RAPGEF4: variants seen among roughly 807,000 people sequenced by gnomAD.
RAPGEF4 encodes the protein RAP guanine-nucleotide-exchange factor (GEF) 4.
In RAPGEF4, 66 loss-of-function variants were observed where a neutral mutation model predicts 147.9. The observed-to-expected ratio is 0.45, with a 90% CI of 0.37 to 0.55. RAPGEF4 has a LOEUF of 0.55. RAPGEF4 is among the 20% of genes least tolerant of loss of function. The pLI, the probability that RAPGEF4 is intolerant of heterozygous loss-of-function variation, is 0.00. For synonymous variants in RAPGEF4, 419 were observed against 442.7 expected (o/e 0.95, Z 0.67); for missense variants, 1,071 against 1,257.3 (o/e 0.85, Z 2.24).
In RAPGEF4 at chr2:172,961,229, G is replaced by A. The variant is rs1452419385; in HGVS notation, c.698+1G>A. The stretch of plus-strand genomic sequence containing the variant: ...GAAAATACCACCTAAAGACATACAG[G>A]TATGTGTGCTAATTCTAAAGGCTGT... On this transcript the variant is annotated splice_donor_variant, in intron 8 of 30. Coordinates refer to ENST00000397081, the MANE Select transcript of RAPGEF4 (RefSeq NM_007023.4). LOFTEE classifies it high-confidence loss of function. 1.3e-6 allele frequency: 2 copies of A among 1,569,282 alleles called. No individual in the cohort carries two copies. The highest frequency in any genetic ancestry group is 2.2e-5 in the East Asian group (1 of 44,634).
At chr2:172,915,080 C>A (rs544186575) in intron 4 of RAPGEF4, among the ~76,000 whole-genome samples, 35 of 152,270 alleles carry the variant, frequency 2.3e-4, no homozygotes, top group African/African-American at 7.9e-4. Flanking sequence ...ATGAATCTCC[C>A]AGGTTTAGTG....
At chr2:172,926,802 C>T (rs1685415608) in intron 6 of RAPGEF4, among the ~76,000 whole-genome samples, 1 of 152,150 alleles carries the variant, frequency 6.6e-6, no homozygotes, top group Non-Finnish European at 1.5e-5. Context: ...GATCTCTTGA[C>T]CTTGTGATCT....
intron 3 of RAPGEF4, among the ~76,000 whole-genome samples, chr2:172,802,979 G>C (rs1008814148): frequency 6.6e-6 from 1 of 152,192 alleles, no homozygotes; most frequent in Non-Finnish European, 1.5e-5. Flanking sequence ...GAGGTGGAAG[G>C]CGTGTTCCCA....
At chr2:172,818,300 C>T (rs1039144392) in intron 4 of RAPGEF4, among the ~76,000 whole-genome samples, 1 of 151,898 alleles carries the variant, frequency 6.6e-6, no homozygotes, top group African/African-American at 2.4e-5. Context: ...ATTCATGTAA[C>T]CAAATGCCAC....
At chr2:172,882,903 C>T (rs1349861366) in intron 4 of RAPGEF4, among the ~76,000 whole-genome samples, 2 of 152,036 alleles carry the variant, frequency 1.3e-5, no homozygotes, top group African/African-American at 2.4e-5. Context: ...CTTGAAGCAT[C>T]AGACTGTTTT....
chr2:172,746,160 G>A (rs1694746937), intron 1 of RAPGEF4, among the ~76,000 whole-genome samples: 1 of 152,328 alleles, frequency 6.6e-6, no homozygotes, highest in Admixed American at 6.5e-5. Flanking sequence ...ATTCTATTCT[G>A]TGTTGTTGGC....
intron 4 of RAPGEF4, chr2:172,822,032 C>A: frequency 6.3e-7 from 1 of 1,584,256 alleles, no homozygotes; most frequent in Non-Finnish European, 8.6e-7. Context: ...GGAAATACTA[C>A]ATGTTACTGT....
At chr2:172,989,991 T>C (rs1025868614) in intron 14 of RAPGEF4, among the ~76,000 whole-genome samples, 1 of 147,228 alleles carries the variant, frequency 6.8e-6, no homozygotes, top group Non-Finnish European at 1.5e-5. Flanking sequence ...CAACTAAGTT[T>C]GTCTTAGGAA....
intron 17 of RAPGEF4, among the ~76,000 whole-genome samples, chr2:173,013,999 T>C (rs1173729438): frequency 2.0e-5 from 3 of 152,150 alleles, no homozygotes; most frequent in African/African-American, 7.2e-5. Context: ...CCAGCAGGAC[T>C]AGATGCCCTG....
intron 6 of RAPGEF4, among the ~76,000 whole-genome samples, chr2:172,954,860 C>A (rs905276374): frequency 1.3e-5 from 2 of 152,152 alleles, no homozygotes; most frequent in African/African-American, 4.8e-5. Context: ...TTATTAGATT[C>A]ATATTATCTT....
intron 29 of RAPGEF4, among the ~76,000 whole-genome samples, chr2:173,047,811 G>A (rs6714366): frequency 0.093 from 14,124 of 151,992 alleles, 989 homozygotes; most frequent in African/African-American, 0.19. Context: ...CAAGTAGCTG[G>A]GACTACAGGC....
At chr2:173,044,956 C>T (rs143489639) in intron 29 of RAPGEF4, among the ~76,000 whole-genome samples, 1,826 of 152,316 alleles carry the variant, frequency 0.012, 22 homozygotes, top group Middle Eastern at 0.024. Flanking sequence ...CTGGCCAGCT[C>T]CAGGCAGGCC....
At chr2:172,761,058 C>T (rs1026362781) in intron 1 of RAPGEF4, among the ~76,000 whole-genome samples, 1 of 149,518 alleles carries the variant, frequency 6.7e-6, no homozygotes, top group East Asian at 2.0e-4. Context: ...GGGCTCTTCT[C>T]ATCAGAATCC....
At chr2:173,003,640 G>T (rs1047666392) in intron 17 of RAPGEF4, among the ~76,000 whole-genome samples, 2 of 152,028 alleles carry the variant, frequency 1.3e-5, no homozygotes, top group African/African-American at 4.8e-5. Context: ...AAAAGGAGTG[G>T]CTTGCCCAGG....
rs1262094628 is a variant in RAPGEF4, at chr2:172,798,460, C to T, written c.297+847C>T. Among the ~76,000 whole-genome samples the T allele has an allele frequency of 2.0e-5, 3 of 152,016 alleles. No homozygotes were observed. In the East Asian group the frequency reaches 5.8e-4, roughly 29 times the overall value. On this transcript the variant is annotated intron_variant, in intron 3 of 30. Transcript: ENST00000397081. ...AGTATGACCCATAAAAGGCCACCAT[C>T]AGGTATCACTATGAAAATGTTCCAA... is the stretch of plus-strand genomic sequence containing the variant.
intron 1 of RAPGEF4, among the ~76,000 whole-genome samples, chr2:172,745,656 C>G (rs1694704477): frequency 6.6e-6 from 1 of 151,746 alleles, no homozygotes; most frequent in African/African-American, 2.4e-5. Context: ...TTAATTTTAA[C>G]CTTTCTTCTT....
intron 1 of RAPGEF4, among the ~76,000 whole-genome samples, chr2:172,780,246 G>T (rs1180375471): frequency 6.6e-6 from 1 of 152,152 alleles, no homozygotes; most frequent in Non-Finnish European, 1.5e-5. Flanking sequence ...TTCTTCAACA[G>T]GTGGCTTAGA....
intron 19 of RAPGEF4, 48 bp downstream of exon 19, chr2:173,016,485 C>A: frequency 1.4e-6 from 2 of 1,459,074 alleles, no homozygotes; most frequent in South Asian, 1.1e-5. Context: ...AAGTAAATCT[C>A]AAAAAGTCCT....
chr2:172,970,194 T>TC (rs1203586911), intron 10 of RAPGEF4, among the ~76,000 whole-genome samples: 1 of 151,842 alleles, frequency 6.6e-6, no homozygotes, highest in African/African-American at 2.4e-5. Context: ...TTTTTTTTTT[T>TC]TTTGATCTGC....
Sources: allele counts gnomAD v4.1 joint callset (sites outside exome capture counted in the v4.1 genomes callset), GRCh38; gene constraint gnomAD v4.1.1; transcripts MANE v1.5; gene names NCBI Gene and HGNC (gene_info 2026-07-23, HGNC 2026-07-21).